Variants in PVT1 observed in about 807,000 individuals in gnomAD.
PVT1 encodes Pvt1 oncogene, also known as CXCR4/PVT1 fusion.
chr8:128,068,036 A>C (rs1813932032), intron 4 of PVT1, among the ~76,000 whole-genome samples: 1 of 151,316 alleles, frequency 6.6e-6, no homozygotes, highest in Admixed American at 6.6e-5. Context: ...CAAATCCCAG[A>C]GCCATCATCT....
In PVT1 at chr8:127,843,230, C is replaced by T. The variant is rs1359010312; in HGVS notation, n.372+47159C>T. Among the ~76,000 whole-genome samples the T allele has an allele frequency of 2.0e-5, 3 of 151,962 alleles. No homozygotes were observed. In the East Asian group the frequency reaches 5.8e-4, roughly 29 times the overall value. On this transcript the variant is annotated intron_variant and non_coding_transcript_variant, in intron 2 of 10. Transcript: ENST00000651587. ...AATTAGCTGAGTGTGATGGTGCATG[C>T]CTGTAATCCCAGCTACTCAGGAGGG...
Position 127,815,894 on chromosome 8 carries a change from G to A in PVT1, n.372+19823G>A, listed in dbSNP as rs566939043. On this transcript the variant is annotated intron_variant and non_coding_transcript_variant, in intron 2 of 10. Coordinates refer to ENST00000651587, the Ensembl canonical transcript of PVT1. Reference sequence around the variant, plus strand: ...TAATTCCAGCACTTTGGGAGGCCAAGGTGGGCAGATAATGAGTTCAGGAGT... The same window carrying A: ...TAATTCCAGCACTTTGGGAGGCCAAAGTGGGCAGATAATGAGTTCAGGAGT... Among the ~76,000 whole-genome samples, 32 of 152,286 alleles carry A rather than the reference G, an allele frequency of 2.1e-4. No individual in the cohort carries two copies. In the Middle Eastern group the frequency reaches 0.014, roughly 65 times the overall value.
At chr8:127,889,373 A>G (rs968278431) in intron 2 of PVT1, among the ~76,000 whole-genome samples, 4 of 150,186 alleles carry the variant, frequency 2.7e-5, no homozygotes, top group African/African-American at 9.8e-5. Flanking sequence ...CAAGGGATCC[A>G]CCAGCCTCGG....
At chr8:128,024,544 T>G (rs1347992346) in intron 4 of PVT1, among the ~76,000 whole-genome samples, 1 of 152,082 alleles carries the variant, frequency 6.6e-6, no homozygotes, top group Non-Finnish European at 1.5e-5. Context: ...GAGGATCACC[T>G]GAGCCCAGGA....
At chr8:127,813,510 C>A (rs1352780030) in intron 2 of PVT1, among the ~76,000 whole-genome samples, 2 of 152,016 alleles carry the variant, frequency 1.3e-5, no homozygotes, top group Non-Finnish European at 2.9e-5. Context: ...TGACAGTGAC[C>A]ACATCAGTCA....
At chr8:127,857,293 G>T (rs1005133834) in intron 2 of PVT1, among the ~76,000 whole-genome samples, 1 of 151,664 alleles carries the variant, frequency 6.6e-6, no homozygotes, top group Non-Finnish European at 1.5e-5. Context: ...ATTGTTCTGG[G>T]ATACTGAGAT....
chr8:127,869,920 C>T (rs1365875636), intron 2 of PVT1, among the ~76,000 whole-genome samples: 1 of 152,202 alleles, frequency 6.6e-6, no homozygotes, highest in Non-Finnish European at 1.5e-5. Flanking sequence ...TCTCCTGCCT[C>T]AGCCGTCCGA....
intron 3 of PVT1, among the ~76,000 whole-genome samples, chr8:127,984,919 TTC>T (rs1491434707): frequency 9.1e-4 from 110 of 121,406 alleles, no homozygotes; most frequent in East Asian, 9.0e-3. Flanking sequence ...CTTTCTTTCT[TTC>T]TCTTTCTCTT....
intron 3 of PVT1, among the ~76,000 whole-genome samples, chr8:127,906,850 C>A (rs1815828623): frequency 6.6e-6 from 1 of 152,066 alleles, no homozygotes; most frequent in Non-Finnish European, 1.5e-5. Context: ...ATGTAAATGT[C>A]ATATCACCTT....
At chr8:127,985,404 G>A (rs1484548536) in intron 3 of PVT1, among the ~76,000 whole-genome samples, 1 of 151,396 alleles carries the variant, frequency 6.6e-6, no homozygotes, top group African/African-American at 2.4e-5. Context: ...TGGGATTACA[G>A]GTGTGAGCCA....
At chr8:128,054,578 CTGT>C (rs1219999272) in intron 4 of PVT1, among the ~76,000 whole-genome samples, 3 of 152,208 alleles carry the variant, frequency 2.0e-5, no homozygotes, top group African/African-American at 7.2e-5. Context: ...CCTGCTTCAA[CTGT>C]GTCAGTTCTC....
chr8:127,854,300 A>C (rs879656272), intron 2 of PVT1, among the ~76,000 whole-genome samples: 2 of 152,214 alleles, frequency 1.3e-5, no homozygotes, highest in Non-Finnish European at 2.9e-5. Flanking sequence ...TGCCTGGCAC[A>C]AGACCCCCTG....
intron 2 of PVT1, among the ~76,000 whole-genome samples, chr8:127,859,444 G>GT (rs1815195918): frequency 2.0e-5 from 3 of 152,144 alleles, no homozygotes; most frequent in African/African-American, 7.2e-5. Flanking sequence ...TCTGGTCTCT[G>GT]TTTTTGGAGC....
chr8:127,936,034 C>CTCTT (rs1282648608), intron 3 of PVT1, among the ~76,000 whole-genome samples: 6 of 101,250 alleles, frequency 5.9e-5, no homozygotes, highest in Admixed American at 1.0e-4. Context: ...CTCTCTCTCT[C>CTCTT]TTTTTTTTTT....
chr8:128,052,747 T>C (rs985418026), intron 4 of PVT1, among the ~76,000 whole-genome samples: 1 of 152,260 alleles, frequency 6.6e-6, no homozygotes, highest in African/African-American at 2.4e-5. Flanking sequence ...CCAGTGCTGT[T>C]GTCACACTAT....
At chr8:128,047,824 A>G (rs993785232) in intron 4 of PVT1, among the ~76,000 whole-genome samples, 1 of 152,234 alleles carries the variant, frequency 6.6e-6, no homozygotes, top group Admixed American at 6.5e-5. Flanking sequence ...TAGCCATTCC[A>G]CAATGTATAC....
intron 3 of PVT1, among the ~76,000 whole-genome samples, chr8:127,935,025 G>A (rs1283503417): frequency 1.3e-5 from 2 of 152,054 alleles, no homozygotes. Flanking sequence ...AGGCTGGAGT[G>A]TAATGGCGCT....
intron 2 of PVT1, among the ~76,000 whole-genome samples, chr8:127,834,987 C>T (rs937075491): frequency 6.6e-6 from 1 of 152,172 alleles, no homozygotes; most frequent in Admixed American, 6.5e-5. Flanking sequence ...GACGCTTTTA[C>T]ACTGTTGGTG....
intron 3 of PVT1, among the ~76,000 whole-genome samples, chr8:127,922,823 T>C (rs1816078320): frequency 6.6e-6 from 1 of 152,368 alleles, no homozygotes; most frequent in Middle Eastern, 3.4e-3. Flanking sequence ...TCTGGCAATT[T>C]GAAGATTCTG....
Sources: gnomAD v4.1 joint callset for allele counts (sites outside exome capture counted in the v4.1 genomes callset) on GRCh38, gnomAD v4.1.1 for gene constraint, MANE v1.5 for transcripts, NCBI Gene and HGNC (gene_info 2026-07-23, HGNC 2026-07-21) for gene names.